PLCB1: variants seen among roughly 807,000 people sequenced by gnomAD.
PLCB1 encodes the protein phospholipase C beta 1, also known as 1-phosphatidylinositol 4,5-bisphosphate phosphodiesterase beta-1.
PLCB1 carries 46 observed loss-of-function variants against 161.8 expected under a neutral mutation model. The ratio of observed to expected loss-of-function variants is 0.28; its 90% CI spans 0.22 to 0.36. PLCB1 has a LOEUF of 0.36. Among genes scored for constraint, PLCB1 ranks in the 10% least tolerant of loss-of-function variants. The pLI, the probability that PLCB1 is intolerant of heterozygous loss-of-function variation, is 1.00. For missense variants in PLCB1, 1,016 were observed against 1,472.5 expected, an observed-to-expected ratio of 0.69 and a Z score of 5.07; for synonymous variants, 517 against 503.7, an observed-to-expected ratio of 1.03 and a Z score of -0.35.
chr20:8,246,042 T>C (rs1568603913), intron 2 of PLCB1, among the ~76,000 whole-genome samples: 1 of 151,972 alleles, frequency 6.6e-6, no homozygotes, highest in Non-Finnish European at 1.5e-5. Flanking sequence ...TACCTTTTAT[T>C]TTGTACATGA....
At chr20:8,154,431 C>T (rs1315903920) in intron 2 of PLCB1, among the ~76,000 whole-genome samples, 1 of 152,148 alleles carries the variant, frequency 6.6e-6, no homozygotes, top group Admixed American at 6.5e-5. Flanking sequence ...TAATAGTCAG[C>T]TGTGTGTAGC....
chr20:8,673,213 T>C (rs559397473), intron 9 of PLCB1, among the ~76,000 whole-genome samples: 42 of 152,288 alleles, frequency 2.8e-4, no homozygotes, highest in African/African-American at 1.0e-3. Flanking sequence ...TCAGATACTT[T>C]ACTTGTGAAC....
intron 2 of PLCB1, among the ~76,000 whole-genome samples, chr20:8,346,026 A>G (rs554523172): frequency 2.0e-4 from 30 of 152,316 alleles, no homozygotes; most frequent in African/African-American, 7.0e-4. Flanking sequence ...TTTGTGTTTT[A>G]CGTTAGGTCT....
chr20:8,183,501 C>T (rs76191251), intron 2 of PLCB1, among the ~76,000 whole-genome samples: 127 of 152,276 alleles, frequency 8.3e-4, no homozygotes, highest in African/African-American at 3.0e-3. Context: ...AAGGACTATT[C>T]TAATGCCATG....
intron 2 of PLCB1, among the ~76,000 whole-genome samples, chr20:8,231,453 C>T (rs1441167335): frequency 1.3e-5 from 2 of 152,122 alleles, no homozygotes; most frequent in Non-Finnish European, 2.9e-5. Context: ...TACCTTAGAC[C>T]TATCTGTTTT....
intron 3 of PLCB1, among the ~76,000 whole-genome samples, chr20:8,549,821 A>G (rs970236865): frequency 6.6e-5 from 10 of 152,126 alleles, no homozygotes; most frequent in African/African-American, 2.2e-4. Context: ...ATCTGCCTGC[A>G]TGGACCTCCC....
At chr20:8,507,029 A>G (rs1011302088) in intron 3 of PLCB1, among the ~76,000 whole-genome samples, 10 of 152,202 alleles carry the variant, frequency 6.6e-5, no homozygotes, top group Admixed American at 2.0e-4. Context: ...TACCAATAAC[A>G]TAGTCAATTA....
chr20:8,185,055 TC>T (rs1453567856), intron 2 of PLCB1, among the ~76,000 whole-genome samples: 2 of 151,998 alleles, frequency 1.3e-5, no homozygotes, highest in African/African-American at 2.4e-5. Flanking sequence ...GGTTTTCTGT[TC>T]CTGTGTAAGT....
intron 2 of PLCB1, among the ~76,000 whole-genome samples, chr20:8,358,838 C>T (rs1278123274): frequency 6.6e-6 from 1 of 152,128 alleles, no homozygotes; most frequent in Non-Finnish European, 1.5e-5. Context: ...TTTTCTGTTT[C>T]TCATCCTTTA....
chr20:8,247,238 A>G (rs1053172010), intron 2 of PLCB1, among the ~76,000 whole-genome samples: 16 of 151,966 alleles, frequency 1.1e-4, no homozygotes, highest in East Asian at 7.8e-4. Context: ...TAAAGGGTTC[A>G]TCACCTGAGA....
At chr20:8,629,988 TTCTTTCTTTC>T (rs1313190073) in intron 4 of PLCB1, among the ~76,000 whole-genome samples, 4 of 124,248 alleles carry the variant, frequency 3.2e-5, no homozygotes, top group Non-Finnish European at 6.6e-5. Flanking sequence ...CTTTCTTTCT[TTCTTTCTTTC>T]TTTCTTTCTT....
chr20:8,154,938 TC>T (rs2051544502), intron 2 of PLCB1, among the ~76,000 whole-genome samples: 1 of 152,196 alleles, frequency 6.6e-6, no homozygotes, highest in Non-Finnish European at 1.5e-5. Flanking sequence ...TCCAACTACC[TC>T]CCCACTTTTT....
intron 2 of PLCB1, among the ~76,000 whole-genome samples, chr20:8,177,285 A>T (rs1339635309): frequency 6.6e-6 from 1 of 152,108 alleles, no homozygotes; most frequent in Non-Finnish European, 1.5e-5. Flanking sequence ...CATTCATAGA[A>T]GGCACCTTCT....
At chr20:8,764,411 T>C (rs1254507447) in intron 25 of PLCB1, among the ~76,000 whole-genome samples, 1 of 152,160 alleles carries the variant, frequency 6.6e-6, no homozygotes, top group African/African-American at 2.4e-5. Flanking sequence ...GAAACTGAGT[T>C]AAATACTTTC....
intron 31 of PLCB1, among the ~76,000 whole-genome samples, chr20:8,847,531 C>G (rs1439938174): frequency 6.6e-6 from 1 of 152,160 alleles, no homozygotes. Flanking sequence ...TTTTCTGACA[C>G]CAATCTCTTC....
At chr20:8,216,727 A>G (rs1441579591) in intron 2 of PLCB1, among the ~76,000 whole-genome samples, 1 of 152,114 alleles carries the variant, frequency 6.6e-6, no homozygotes, top group Non-Finnish European at 1.5e-5. Flanking sequence ...AGTACACAAA[A>G]ATGATATAGC....
At chr20:8,642,308 A>G (rs1988981475) in intron 4 of PLCB1, among the ~76,000 whole-genome samples, 1 of 152,240 alleles carries the variant, frequency 6.6e-6, no homozygotes, top group African/African-American at 2.4e-5. Context: ...CAGTTATCAG[A>G]TAGTCCTTTC....
intron 31 of PLCB1, among the ~76,000 whole-genome samples, chr20:8,797,176 G>A (rs1188945997): frequency 6.6e-6 from 1 of 152,028 alleles, no homozygotes; most frequent in African/African-American, 2.4e-5. Flanking sequence ...TGCTGTTCTT[G>A]AGAGGTTAAC....
intron 31 of PLCB1, among the ~76,000 whole-genome samples, chr20:8,850,380 A>G (rs1053689316): frequency 6.6e-6 from 1 of 152,252 alleles, no homozygotes; most frequent in African/African-American, 2.4e-5. Context: ...AGGAACATCC[A>G]GAGTCAAACA....
Sources: gnomAD v4.1 joint callset for allele counts (sites outside exome capture counted in the v4.1 genomes callset) on GRCh38, gnomAD v4.1.1 for gene constraint, MANE v1.5 for transcripts, NCBI Gene and HGNC (gene_info 2026-07-23, HGNC 2026-07-21) for gene names.